CLCN4: variants seen among roughly 807,000 people sequenced by gnomAD.
CLCN4 encodes the protein H(+)/Cl(-) exchange transporter 4.
A neutral mutation model predicts 41.7 loss-of-function variants in CLCN4; 1 was observed. That is an observed-to-expected ratio of 0.02 (90% CI 0.01 to 0.11). The LOEUF (loss-of-function observed/expected upper bound fraction) is 0.11. Ranked by LOEUF, CLCN4 falls within the 10% of genes least tolerant of loss-of-function variation. CLCN4 has a pLI of 1.00. For synonymous variants in CLCN4, 277 were observed against 285.8 expected (o/e 0.97, Z 0.31); for missense variants, 287 against 661.0 (o/e 0.43, Z 6.20).
At chrX:10,205,764 TG>T (rs1167698704) in intron 6 of CLCN4, among the ~76,000 whole-genome samples, 1 of 108,460 alleles carries the variant, frequency 9.2e-6, no homozygotes, top group Admixed American at 9.9e-5. Flanking sequence ...CATGTCATCA[TG>T]CCAAGCTAAT....
At chrX:10,161,489 G>A (rs1330903757) in intron 2 of CLCN4, among the ~76,000 whole-genome samples, 1 of 112,257 alleles carries the variant, frequency 8.9e-6, no homozygotes, top group Non-Finnish European at 1.9e-5. Context: ...CGAGACTTAA[G>A]AGACGGAATA....
intron 12 of CLCN4, among the ~76,000 whole-genome samples, chrX:10,230,513 A>C (rs1925102027): frequency 8.9e-6 from 1 of 112,105 alleles, no homozygotes; most frequent in Non-Finnish European, 1.9e-5. Flanking sequence ...GATGGAAAGA[A>C]ATGGTTTCAG....
intron 5 of CLCN4, among the ~76,000 whole-genome samples, chrX:10,195,941 G>A (rs1338423794): frequency 8.9e-6 from 1 of 112,382 alleles, no homozygotes; most frequent in South Asian, 3.6e-4. Context: ...GAACATTTCT[G>A]TACAGGTTTT....
intron 2 of CLCN4, among the ~76,000 whole-genome samples, chrX:10,166,222 A>C (rs1923246403): frequency 8.9e-6 from 1 of 111,783 alleles, no homozygotes; most frequent in Non-Finnish European, 1.9e-5. Flanking sequence ...ACGTGACCTT[A>C]TTTGGAGATA....
chrX:10,209,376 C>CCTCTT (rs201880963), intron 9 of CLCN4, among the ~76,000 whole-genome samples: 2 of 92,750 alleles, frequency 2.2e-5, no homozygotes, highest in African/African-American at 8.4e-5. Context: ...TTCCCCTTTC[C>CCTCTT]CCCTTCCCTT....
At chrX:10,199,012 C>A (rs1181265001) in intron 6 of CLCN4, among the ~76,000 whole-genome samples, 1 of 111,817 alleles carries the variant, frequency 8.9e-6, no homozygotes, top group East Asian at 2.8e-4. Flanking sequence ...GGGCTGAAGT[C>A]ATGAAAAGAC....
chrX:10,158,217 T>C, intron 1 of CLCN4, 72 bp from the exon 2 acceptor site: 1 of 284,338 alleles, frequency 3.5e-6, no homozygotes, highest in East Asian at 5.0e-5. Context: ...TGAAATCCTA[T>C]TACTCGCTTG....
rs1474484940 is a variant in CLCN4 at position 10,180,912 on chromosome X, C to G, written c.-11-4110C>G. The stretch of plus-strand genomic sequence containing the variant: ...GAACCCCAGCTGTTCTAGTCTCCAG[C>G]TGTTGAGTCTCTTGGCCCAGGCACC... On this transcript the variant is annotated intron_variant, in intron 2 of 12. Transcript: ENST00000380833. Among the ~76,000 whole-genome samples the G allele has an allele frequency of 1.1e-4, 12 of 110,726 alleles. No homozygotes were observed. The Admixed American group carries it at 1.2e-3, about 11-fold the overall frequency.
intron 2 of CLCN4, among the ~76,000 whole-genome samples, chrX:10,184,158 A>T (rs1164367703): frequency 8.9e-6 from 1 of 112,242 alleles, no homozygotes; most frequent in Non-Finnish European, 1.9e-5. Flanking sequence ...TATTGCTTTG[A>T]TTACCATTAT....
chrX:10,214,922 G>C (rs916584742), intron 11 of CLCN4, among the ~76,000 whole-genome samples: 1 of 111,616 alleles, frequency 9.0e-6, no homozygotes, highest in Non-Finnish European at 1.9e-5. Flanking sequence ...GTTGTGAGTT[G>C]CTGGGACCCC....
At position 10,161,359 on chromosome X, in the gene CLCN4, C is replaced by T. The variant is rs778328647; in HGVS notation, c.-12+2808C>T. The stretch of plus-strand genomic sequence containing the variant: ...CGGACATCCCAGGGCAGGCCTGTCA[C>T]GCTCCTGTGTGCCTCCAGTGGGCTT... On this transcript the variant is annotated intron_variant, in intron 2 of 12. Coordinates refer to ENST00000380833, the MANE Select transcript of CLCN4 (RefSeq NM_001830.4). Among the ~76,000 whole-genome samples, 10 of 111,993 alleles carry T rather than the reference C, an allele frequency of 8.9e-5. No individual in the cohort carries two copies. In the East Asian group the frequency reaches 2.5e-3, roughly 29 times the overall value.
At chrX:10,196,967 G>T (rs1049335477) in intron 5 of CLCN4, among the ~76,000 whole-genome samples, 3 of 112,407 alleles carry the variant, frequency 2.7e-5, no homozygotes, top group Non-Finnish European at 3.8e-5. Flanking sequence ...TCACCGCATA[G>T]GGTGTGAATA....
intron 12 of CLCN4, among the ~76,000 whole-genome samples, chrX:10,230,729 T>G (rs779840637): frequency 8.9e-6 from 1 of 112,230 alleles, no homozygotes; most frequent in Admixed American, 9.4e-5. Flanking sequence ...ACAGAACAAT[T>G]GAGCAAAATA....
chrX:10,216,824 G>C (rs182770864), intron 11 of CLCN4, among the ~76,000 whole-genome samples: 11 of 96,571 alleles, frequency 1.1e-4, no homozygotes, highest in African/African-American at 3.8e-4. Context: ...AGGGCTGTTA[G>C]TTACTGGACT....
chrX:10,170,448 T>C (rs1923360453), intron 2 of CLCN4, among the ~76,000 whole-genome samples: 1 of 111,964 alleles, frequency 8.9e-6, no homozygotes, highest in Admixed American at 9.5e-5. Flanking sequence ...ATATAAACAA[T>C]ATTAAAATTT....
chrX:10,190,617 C>T (rs1441523250), intron 4 of CLCN4, among the ~76,000 whole-genome samples: 2 of 111,884 alleles, frequency 1.8e-5, no homozygotes, highest in Admixed American at 1.9e-4. Flanking sequence ...ACCAAGCTTG[C>T]ATCCAGGATT....
At chrX:10,173,201 G>A (rs1010180612) in intron 2 of CLCN4, among the ~76,000 whole-genome samples, 1 of 111,470 alleles carries the variant, frequency 9.0e-6, no homozygotes, top group Admixed American at 9.5e-5. Context: ...TCGCTTGGGA[G>A]TGCCTTAGAA....
In CLCN4 at chrX:10,220,734, G is replaced by C; in HGVS notation, c.2049G>C (p.Leu683=). The part of the protein sequence containing the change: ...IMYFTEEPPE[L]PANSPHPLKL... ...ACTTCACGGAGGAACCCCCCGAGCT[G>C]CCGGCCAACAGCCCACATCCCCTGA... The change falls in exon 12 of 13, where the codon CTG becomes CTC. Residue 683 remains leucine (L), a synonymous_variant. Coordinates refer to ENST00000380833, the MANE Select transcript of CLCN4 (RefSeq NM_001830.4). 3 of 1,211,736 alleles carry C rather than the reference G, an allele frequency of 2.5e-6. No homozygotes were observed. Among genetic ancestry groups the C allele is most frequent in the Non-Finnish European group, 3.4e-6 (3 of 895,403 alleles).
At chrX:10,203,142 G>A (rs1924284835) in intron 6 of CLCN4, among the ~76,000 whole-genome samples, 2 of 112,227 alleles carry the variant, frequency 1.8e-5, no homozygotes, top group Non-Finnish European at 3.8e-5. Context: ...AGGTAATTTA[G>A]ATGCTTGTAA....
Sources: allele counts gnomAD v4.1 joint callset (sites outside exome capture counted in the v4.1 genomes callset), GRCh38; gene constraint gnomAD v4.1.1; transcripts MANE v1.5; gene names NCBI Gene and HGNC (gene_info 2026-07-23, HGNC 2026-07-21).